Variants in PEPD observed in about 807,000 individuals in gnomAD.
The protein encoded by PEPD is peptidase D.
A neutral mutation model predicts 60.7 loss-of-function variants in PEPD; 53 were observed. The observed-to-expected ratio is 0.87, with a 90% CI of 0.70 to 1.10. The LOEUF is 1.10. Among genes scored for constraint, PEPD ranks in the 50% least tolerant of loss-of-function variants. PEPD has a pLI of 0.00. For synonymous variants in PEPD, 267 were observed against 284.1 expected (o/e 0.94, Z 0.60); for missense variants, 711 against 711.9 (o/e 1.00, Z 0.01).
chr19:33,436,347 T>A (rs1969375988), intron 9 of PEPD, among the ~76,000 whole-genome samples: 1 of 152,072 alleles, frequency 6.6e-6, no homozygotes, highest in African/African-American at 2.4e-5. Flanking sequence ...GCAGGCCCCA[T>A]GCCCTGCCTA....
intron 9 of PEPD, among the ~76,000 whole-genome samples, chr19:33,431,448 A>G (rs562131570): frequency 1.3e-5 from 2 of 152,268 alleles, no homozygotes; most frequent in Non-Finnish European, 2.9e-5. Flanking sequence ...ACAGAAAACA[A>G]AGCAAAGATT....
chr19:33,458,684 CTG>C (rs933359466), intron 9 of PEPD, among the ~76,000 whole-genome samples: 4 of 88,488 alleles, frequency 4.5e-5, no homozygotes, highest in Non-Finnish European at 9.8e-5. Context: ...TGGTGGAGGT[CTG>C]TGGTGTGTGG....
chr19:33,491,270 C>T lies in PEPD; in HGVS notation c.442-1213G>A, dbSNP rs943942916. 2.6e-5 allele frequency among the ~76,000 whole-genome samples: 4 copies of T among 151,882 alleles called. 1 individual carries two copies. Among genetic ancestry groups the T allele is most frequent in the South Asian group, 4.2e-4 (2 of 4,800 alleles). On this transcript the variant is annotated intron_variant, in intron 5 of 14. Transcript: ENST00000244137. ...GGGAGTTTGAGACTGATCAACATGG[C>T]GAAACCCCGTCTCTAACAAAAAACA...
At chr19:33,488,640 G>A (rs1224060199) in intron 6 of PEPD, among the ~76,000 whole-genome samples, 2 of 152,160 alleles carry the variant, frequency 1.3e-5, no homozygotes, top group African/African-American at 4.8e-5. Context: ...AAACTCCCAG[G>A]AGGACACGAA....
intron 4 of PEPD, 165 bp from the exon 5 acceptor site, chr19:33,493,502 C>T (rs2082585075): frequency 5.7e-6 from 4 of 700,744 alleles, no homozygotes; most frequent in Non-Finnish European, 1.1e-5. Flanking sequence ...CCCAGCTTCC[C>T]CTGGTTGAAG....
At chr19:33,413,489 C>A in intron 10 of PEPD, 86 bp downstream of exon 10, 1 of 776,834 alleles carries the variant, frequency 1.3e-6, no homozygotes, top group Non-Finnish European at 2.3e-6. Context: ...TGTGGCTGAG[C>A]TGGGGGATGG....
At chr19:33,501,149 G>A in intron 3 of PEPD, 148 bp from the exon 4 acceptor site, 2 of 713,094 alleles carry the variant, frequency 2.8e-6, no homozygotes, top group Non-Finnish European at 5.1e-6. Context: ...GCACCGAACA[G>A]GTCGGCCCAA....
At chr19:33,435,023 T>C (rs1969347529) in intron 9 of PEPD, among the ~76,000 whole-genome samples, 1 of 152,040 alleles carries the variant, frequency 6.6e-6, no homozygotes, top group Non-Finnish European at 1.5e-5. Flanking sequence ...GATCAAAGTG[T>C]GAGCCGGAAT....
intron 4 of PEPD, among the ~76,000 whole-genome samples, chr19:33,497,857 A>G (rs1600164068): frequency 6.6e-6 from 1 of 152,102 alleles, no homozygotes; most frequent in African/African-American, 2.4e-5. Flanking sequence ...CAGGGAGTCC[A>G]TGTCGCCTCC....
At chr19:33,418,632 A>G (rs1968941903) in intron 9 of PEPD, among the ~76,000 whole-genome samples, 1 of 152,202 alleles carries the variant, frequency 6.6e-6, no homozygotes, top group Non-Finnish European at 1.5e-5. Flanking sequence ...CCAGCGACCT[A>G]TCCAGGACCC....
intron 7 of PEPD, among the ~76,000 whole-genome samples, chr19:33,473,197 T>G (rs1041172849): frequency 7.9e-5 from 12 of 152,148 alleles, no homozygotes; most frequent in African/African-American, 2.2e-4. Flanking sequence ...CACTCTCCCC[T>G]AGGAGTCCCA....
At position 33,387,039 on chromosome 19, in the gene PEPD, G is replaced by T; in HGVS notation, c.*305C>A. The stretch of plus-strand genomic sequence containing the variant: ...CAGAAATGCTTCTTTCCTGGGAAAA[G>T]GAATATAAATGACAGCAAGACACAT... On this transcript the variant is annotated 3_prime_UTR_variant, in exon 15 of 15. Transcript: ENST00000244137. 1 of 411,410 alleles carries T rather than the reference G, an allele frequency of 2.4e-6. No individual in the cohort carries two copies. The highest frequency in any genetic ancestry group is 4.2e-5 in the East Asian group (1 of 23,598). 25.5% of individuals were successfully genotyped at this position (411,410 alleles called of 1,614,324 possible).
intron 9 of PEPD, among the ~76,000 whole-genome samples, chr19:33,442,699 A>T (rs562406520): frequency 6.6e-6 from 1 of 151,876 alleles, no homozygotes; most frequent in African/African-American, 2.4e-5. Context: ...ACAGAGCGAG[A>T]CTCCATCTCA....
intron 3 of PEPD, among the ~76,000 whole-genome samples, chr19:33,503,892 C>T (rs1403077075): frequency 6.6e-6 from 1 of 152,126 alleles, no homozygotes; most frequent in Non-Finnish European, 1.5e-5. Flanking sequence ...TGGCACCTGA[C>T]CTTGTCACTT....
chr19:33,457,342 G>A (rs1969822144), intron 9 of PEPD, among the ~76,000 whole-genome samples: 1 of 152,224 alleles, frequency 6.6e-6, no homozygotes, highest in South Asian at 2.1e-4. Context: ...GAGGCGGGAG[G>A]ATCACTTGAG....
chr19:33,411,783 A>G, intron 10 of PEPD, 34 bp from the exon 11 acceptor site: 1 of 1,326,624 alleles, frequency 7.5e-7, no homozygotes, highest in Non-Finnish European at 1.1e-6. Context: ...ATCAAAGCCC[A>G]TTCTTCTGCA....
chr19:33,448,922 G>A (rs1222029508), intron 9 of PEPD, among the ~76,000 whole-genome samples: 1 of 152,268 alleles, frequency 6.6e-6, no homozygotes, highest in Non-Finnish European at 1.5e-5. Context: ...TGTACTGGAT[G>A]TGGCCCAGAG....
intron 4 of PEPD, among the ~76,000 whole-genome samples, chr19:33,498,326 C>T (rs1320672052): frequency 3.9e-5 from 6 of 152,124 alleles, no homozygotes; most frequent in Non-Finnish European, 7.3e-5. Flanking sequence ...TATACGAAGA[C>T]GAAGAATGAG....
chr19:33,487,148 G>A (rs759985680), intron 6 of PEPD: 3 of 152,356 alleles, frequency 2.0e-5, no homozygotes, highest in South Asian at 2.1e-4. Flanking sequence ...AGGGGAATGC[G>A]GTTGCTGAGC....
Sources: gnomAD v4.1 joint callset for allele counts (sites outside exome capture counted in the v4.1 genomes callset) on GRCh38, gnomAD v4.1.1 for gene constraint, MANE v1.5 for transcripts, NCBI Gene and HGNC (gene_info 2026-07-23, HGNC 2026-07-21) for gene names.